The following CREM variants were observed in gnomAD, a reference collection of about 807,000 sequenced individuals.
CREM encodes the protein cAMP-responsive element modulator.
CREM carries 13 observed loss-of-function variants against 37.3 expected under a neutral mutation model. That is an observed-to-expected ratio of 0.35 (90% CI 0.23 to 0.55). The LOEUF (loss-of-function observed/expected upper bound fraction) is 0.55, where lower values mean the gene tolerates loss of function less well. Ranked by LOEUF, CREM falls within the 20% of genes least tolerant of loss-of-function variation. CREM has a pLI of 0.88. For synonymous variants in CREM, 124 were observed against 120.2 expected (o/e 1.03, Z -0.21); for missense variants, 296 against 362.3 (o/e 0.82, Z 1.49).
Position 35,196,865 on chromosome 10 carries a change from C to CTTTTTTTTT in CREM, c.598+8491_598+8499dup, listed in dbSNP as rs58503822. ...TAAAATGATGTGAAAACGCTGTGTACTTTTTTTTTTTTTTTTTTTTTTGAG... is the reference window on the plus strand; with the variant it reads ...TAAAATGATGTGAAAACGCTGTGTACTTTTTTTTTTTTTTTTTTTTTTTTTTTTTTTGAG... On this transcript the variant is annotated intron_variant, in intron 6 of 7. Coordinates refer to ENST00000685392, the MANE Select transcript of CREM (RefSeq NM_183011.2). 1.6e-3 allele frequency among the ~76,000 whole-genome samples: 178 copies of CTTTTTTTTT among 108,918 alleles called. 7 individuals carry two copies. The highest frequency in any genetic ancestry group is 3.5e-3 in the South Asian group (11 of 3,170). 71.5% of individuals were successfully genotyped at this position (108,918 alleles called of 152,430 possible). A position where few individuals can be genotyped will look rare whatever the true frequency, so the allele number is the denominator to read the frequency against.
At chr10:35,170,890 A>C (rs1017293015) in intron 3 of CREM, among the ~76,000 whole-genome samples, 1 of 152,180 alleles carries the variant, frequency 6.6e-6, no homozygotes, top group Admixed American at 6.5e-5. Flanking sequence ...AGAATGTAGA[A>C]TGATAGTTCT....
chr10:35,127,323 C>G (rs1413244979), intron 1 of CREM, 130 bp downstream of exon 1: 1 of 152,292 alleles, frequency 6.6e-6, no homozygotes, highest in Non-Finnish European at 1.5e-5. Context: ...GAGCCGTGGG[C>G]GGCGGGCCGG....
intron 6 of CREM, chr10:35,195,060 C>T (rs1017700867): frequency 5.8e-6 from 5 of 861,260 alleles, no homozygotes; most frequent in Non-Finnish European, 9.0e-6. Context: ...AAATTGATGG[C>T]AGTGATAGGC....
At chr10:35,196,864 A>ATTTTT (rs1564957666) in intron 6 of CREM, among the ~76,000 whole-genome samples, 1 of 108,922 alleles carries the variant, frequency 9.2e-6, no homozygotes, top group Non-Finnish European at 2.0e-5. Flanking sequence ...AACGCTGTGT[A>ATTTTT]CTTTTTTTTT....
intron 3 of CREM, among the ~76,000 whole-genome samples, chr10:35,177,839 G>T (rs984982372): frequency 6.6e-6 from 1 of 152,158 alleles, no homozygotes; most frequent in Non-Finnish European, 1.5e-5. Flanking sequence ...ATGTGTGACA[G>T]CCCGGTGTAA....
chr10:35,138,798 G>A (rs2091002080), intron 2 of CREM, among the ~76,000 whole-genome samples: 1 of 151,602 alleles, frequency 6.6e-6, no homozygotes, highest in Non-Finnish European at 1.5e-5. Flanking sequence ...CAAGGTAGGA[G>A]AATTGCTTGA....
rs753082232 is a variant in CREM, at chr10:35,211,606, A to G, written c.*208A>G. On this transcript the variant is annotated 3_prime_UTR_variant, in exon 8 of 8. Transcript: ENST00000685392. ...CGAGCTTACTTTGATCTGTTTGTCA[A>G]TAGCATGCAAAAAATGCTTTGTTTG... is the stretch of plus-strand genomic sequence containing the variant. 1.9e-6 allele frequency: 3 copies of G among 1,597,202 alleles called. No homozygotes were observed. Among genetic ancestry groups the G allele is most frequent in the Non-Finnish European group, 2.6e-6 (3 of 1,171,830 alleles).
At chr10:35,192,739 A>C (rs1425012482) in intron 6 of CREM, among the ~76,000 whole-genome samples, 1 of 152,122 alleles carries the variant, frequency 6.6e-6, no homozygotes. Context: ...ACCTCCAAAT[A>C]CTATTGCATT....
intron 3 of CREM, among the ~76,000 whole-genome samples, chr10:35,153,467 T>C (rs1758552359): frequency 6.6e-6 from 1 of 152,152 alleles, no homozygotes; most frequent in Non-Finnish European, 1.5e-5. Flanking sequence ...TAATATGCAA[T>C]CCATATTCAT....
intron 7 of CREM, among the ~76,000 whole-genome samples, chr10:35,209,633 A>C (rs1384791036): frequency 1.3e-5 from 2 of 152,204 alleles, no homozygotes; most frequent in Admixed American, 6.5e-5. Flanking sequence ...TAGGTCTTTA[A>C]ATTTTTCATT....
chr10:35,176,481 C>T (rs2094091735), intron 3 of CREM, among the ~76,000 whole-genome samples: 1 of 150,914 alleles, frequency 6.6e-6, no homozygotes, highest in African/African-American at 2.4e-5. Flanking sequence ...GATCTCGGGC[C>T]ATTGCAAGCT....
In CREM at chr10:35,188,207, A is replaced by C; in HGVS notation, c.417A>C (p.Ile139=). ...YQTSTGQYIA[I]AQGGTIQISN... ...TTTTCTTTTTCTGTTAAGTTGCTATAGCCCAAGGTGGAACAATCCAGATTT... is the reference window on the plus strand; with the variant it reads ...TTTTCTTTTTCTGTTAAGTTGCTATCGCCCAAGGTGGAACAATCCAGATTT... The change falls in exon 6 of 8, where the codon ATA becomes ATC. Residue 139 remains isoleucine, a synonymous_variant. Transcript: ENST00000685392. 1 of 1,602,874 alleles carries C rather than the reference A, an allele frequency of 6.2e-7. No individual in the cohort carries two copies. The highest frequency in any genetic ancestry group is 8.5e-7 in the Non-Finnish European group (1 of 1,177,398).
intron 7 of CREM, among the ~76,000 whole-genome samples, chr10:35,210,143 C>T (rs549543529): frequency 2.6e-5 from 4 of 151,576 alleles, no homozygotes; most frequent in African/African-American, 7.3e-5. Flanking sequence ...GGTGTTTAGA[C>T]ATTCAACACT....
intron 3 of CREM, among the ~76,000 whole-genome samples, chr10:35,151,453 G>A (rs559172472): frequency 6.6e-6 from 1 of 152,304 alleles, no homozygotes; most frequent in East Asian, 1.9e-4. Context: ...TCTGCTCACT[G>A]CATCCTCCAC....
intron 3 of CREM, chr10:35,167,638 TAA>T: frequency 7.4e-7 from 1 of 1,357,598 alleles, no homozygotes; most frequent in African/African-American, 1.5e-5. Context: ...GGGTTTTTTT[TAA>T]TTGCAAAGCC....
intron 3 of CREM, chr10:35,167,669 C>T (rs1228708552): frequency 1.2e-5 from 18 of 1,554,130 alleles, no homozygotes; most frequent in Admixed American, 3.5e-5. Context: ...CTGTCAATTG[C>T]ATCATCTTAC....
intron 2 of CREM, among the ~76,000 whole-genome samples, chr10:35,141,382 AG>A (rs1221757243): frequency 1.3e-5 from 2 of 152,226 alleles, no homozygotes; most frequent in African/African-American, 4.8e-5. Context: ...GATTGGAGCC[AG>A]GAGTTAGAGT....
chr10:35,168,286 G>T (rs573158450), intron 3 of CREM, among the ~76,000 whole-genome samples: 1 of 152,058 alleles, frequency 6.6e-6, no homozygotes, highest in Non-Finnish European at 1.5e-5. Flanking sequence ...TTTAATGATC[G>T]CCATTCTAAC....
At chr10:35,203,474 A>G (rs981395614) in intron 6 of CREM, among the ~76,000 whole-genome samples, 1 of 152,094 alleles carries the variant, frequency 6.6e-6, no homozygotes, top group East Asian at 1.9e-4. Flanking sequence ...CAGGTAGATC[A>G]CGAGGTTAGG....
Sources: allele counts gnomAD v4.1 joint callset (sites outside exome capture counted in the v4.1 genomes callset), GRCh38; gene constraint gnomAD v4.1.1; transcripts MANE v1.5; gene names NCBI Gene and HGNC (gene_info 2026-07-23, HGNC 2026-07-21).